The following PRDM5 variants were observed in gnomAD, a reference collection of about 807,000 sequenced individuals.
The protein encoded by PRDM5 is PR domain zinc finger protein 5.
PRDM5 carries 56 observed loss-of-function variants against 81.2 expected under a neutral mutation model. The ratio of observed to expected loss-of-function variants is 0.69; its 90% CI spans 0.56 to 0.86. The LOEUF (loss-of-function observed/expected upper bound fraction) is 0.86, where lower values mean the gene tolerates loss of function less well. Ranked by LOEUF, PRDM5 falls within the 40% of genes least tolerant of loss-of-function variation. The probability of loss-of-function intolerance (pLI) is 0.00; values close to 1 mark genes in which losing one functional copy is unlikely to be tolerated. For synonymous variants in PRDM5, 267 were observed against 256.4 expected (o/e 1.04, Z -0.39); for missense variants, 697 against 770.1 (o/e 0.91, Z 1.12).
intron 5 of PRDM5, among the ~76,000 whole-genome samples, chr4:120,817,166 T>C (rs1411590175): frequency 1.3e-5 from 2 of 152,216 alleles, no homozygotes; most frequent in Non-Finnish European, 2.9e-5. Flanking sequence ...CATCTATTTA[T>C]TTAAAAGCAT....
chr4:120,817,197 A>G (rs543381616), intron 5 of PRDM5, among the ~76,000 whole-genome samples: 10 of 152,302 alleles, frequency 6.6e-5, no homozygotes, highest in African/African-American at 2.4e-4. Context: ...CTTGTTTTTT[A>G]AGGAAGTACA....
chr4:120,712,438 C>G (rs1360171970), intron 14 of PRDM5, among the ~76,000 whole-genome samples: 1 of 152,144 alleles, frequency 6.6e-6, no homozygotes, highest in Non-Finnish European at 1.5e-5. Context: ...GAGAGACATA[C>G]ATCTGCCCAC....
At chr4:120,870,671 G>C (rs1024829087) in intron 2 of PRDM5, among the ~76,000 whole-genome samples, 1 of 152,224 alleles carries the variant, frequency 6.6e-6, no homozygotes, top group African/African-American at 2.4e-5. Flanking sequence ...AAGCTGTAAA[G>C]AGTCAAGTGT....
intron 3 of PRDM5, among the ~76,000 whole-genome samples, chr4:120,833,446 G>C (rs1250313804): frequency 6.6e-6 from 1 of 151,944 alleles, no homozygotes; most frequent in Non-Finnish European, 1.5e-5. Flanking sequence ...TAACAACTCA[G>C]ATATTCCCAA....
chr4:120,842,179 G>A (rs927018730), intron 3 of PRDM5, among the ~76,000 whole-genome samples: 12 of 152,164 alleles, frequency 7.9e-5, no homozygotes, highest in African/African-American at 2.7e-4. Flanking sequence ...ATGAGGTGCT[G>A]TTGGCTGCAC....
intron 14 of PRDM5, among the ~76,000 whole-genome samples, chr4:120,752,966 A>C (rs1744218694): frequency 6.6e-6 from 1 of 152,194 alleles, no homozygotes; most frequent in African/African-American, 2.4e-5. Flanking sequence ...ATGAAGTAAA[A>C]AACAAATTAA....
intron 4 of PRDM5, among the ~76,000 whole-genome samples, chr4:120,819,592 TTC>T (rs1206792993): frequency 6.6e-6 from 1 of 152,144 alleles, no homozygotes; most frequent in Non-Finnish European, 1.5e-5. Flanking sequence ...GTTTAAAAAA[TTC>T]TGTTTAAGTT....
intron 12 of PRDM5, 39 bp from the exon 13 acceptor site, chr4:120,777,320 A>G (rs1186538703): frequency 4.3e-6 from 7 of 1,612,426 alleles, no homozygotes; most frequent in Non-Finnish European, 5.1e-6. Flanking sequence ...GATAAATACA[A>G]AGAATTAGGT....
At position 120,853,465 on chromosome 4, in the gene PRDM5, C is replaced by T. The variant is rs770813235; in HGVS notation, c.253G>A (p.Val85Ile). ...NPRHSNWLRFVHEAPSQEQKN... is the reference protein window; with the variant it reads ...NPRHSNWLRFIHEAPSQEQKN... Reference sequence around the variant, plus strand: ...TGCTCCTGAGATGGTGCCTCATGAACGAAGCGAAGCCAGTTGGAGTGCCGT... The same window carrying T: ...TGCTCCTGAGATGGTGCCTCATGAATGAAGCGAAGCCAGTTGGAGTGCCGT... Residue 85 changes from valine (V) to isoleucine (I), a missense_variant, in exon 3 of 16, where the codon GTT becomes ATT. Physicochemically the swap from Val to Ile is conservative, Grantham distance 29 (BLOSUM62 3). This residue lies in a region of PRDM5 where 577 missense variants were observed against 606.7 expected (regional missense o/e 0.95). Transcript: ENST00000264808. 1.4e-5 allele frequency: 23 copies of T among 1,613,650 alleles called. No individual in the cohort carries two copies. The highest frequency in any genetic ancestry group is 2.2e-5 in the East Asian group (1 of 44,870).
At chr4:120,842,189 C>T (rs549676420) in intron 3 of PRDM5, among the ~76,000 whole-genome samples, 2 of 152,174 alleles carry the variant, frequency 1.3e-5, no homozygotes, top group South Asian at 2.1e-4. Flanking sequence ...GTTGGCTGCA[C>T]GGCAGTCTGG....
intron 14 of PRDM5, among the ~76,000 whole-genome samples, chr4:120,712,044 G>C (rs1737066506): frequency 6.6e-6 from 1 of 152,078 alleles, no homozygotes; most frequent in Admixed American, 6.5e-5. Flanking sequence ...CTAGCACTTT[G>C]GGAGGCCAAG....
At chr4:120,755,742 T>A (rs1744637932) in intron 13 of PRDM5, among the ~76,000 whole-genome samples, 1 of 152,144 alleles carries the variant, frequency 6.6e-6, no homozygotes, top group Non-Finnish European at 1.5e-5. Flanking sequence ...TCAGTTACAT[T>A]CCTGGATCTC....
chr4:120,922,145 C>G (rs918968874), intron 1 of PRDM5, among the ~76,000 whole-genome samples: 5 of 152,208 alleles, frequency 3.3e-5, no homozygotes, highest in Non-Finnish European at 7.3e-5. Context: ...CGTGCCTTCG[C>G]CAACGCAAAG....
At chr4:120,801,799 G>T (rs1752151645) in intron 8 of PRDM5, among the ~76,000 whole-genome samples, 1 of 152,176 alleles carries the variant, frequency 6.6e-6, no homozygotes, top group African/African-American at 2.4e-5. Context: ...ACCTATGTTT[G>T]AGGACCAATG....
chr4:120,710,488 T>C, intron 14 of PRDM5, 75 bp from the exon 15 acceptor site: 1 of 1,187,556 alleles, frequency 8.4e-7, no homozygotes, highest in South Asian at 1.2e-5. Flanking sequence ...TTCAGGTGTG[T>C]GTTATGGGAT....
At chr4:120,819,943 T>C (rs532615182) in intron 4 of PRDM5, among the ~76,000 whole-genome samples, 2 of 152,286 alleles carry the variant, frequency 1.3e-5, no homozygotes, top group South Asian at 2.1e-4. Flanking sequence ...GCCAATAACA[T>C]GCAGTTAGAA....
At chr4:120,774,895 T>TATATAC (rs1218502651) in intron 13 of PRDM5, among the ~76,000 whole-genome samples, 1 of 141,206 alleles carries the variant, frequency 7.1e-6, no homozygotes, top group Non-Finnish European at 1.5e-5. Flanking sequence ...TTTCTATATA[T>TATATAC]ATATATATAT....
chr4:120,877,289 G>A (rs561636432), intron 2 of PRDM5, among the ~76,000 whole-genome samples: 11 of 152,230 alleles, frequency 7.2e-5, no homozygotes, highest in East Asian at 1.9e-4. Context: ...TCAAAAACCC[G>A]TATTTCTGAC....
intron 13 of PRDM5, among the ~76,000 whole-genome samples, chr4:120,758,713 C>T (rs565739484): frequency 4.3e-4 from 65 of 151,772 alleles, no homozygotes; most frequent in South Asian, 1.0e-3. Context: ...ACTCAGTTTG[C>T]GACACCTTGT....
Sources: gnomAD v4.1 joint callset for allele counts (sites outside exome capture counted in the v4.1 genomes callset) on GRCh38, gnomAD v4.1.1 for gene constraint, gnomAD v4.1.1 regional missense constraint, MANE v1.5 for transcripts, NCBI Gene and HGNC (gene_info 2026-07-23, HGNC 2026-07-21) for gene names.